Variants in MECOM observed in about 807,000 individuals in gnomAD.
MECOM encodes MDS1 and EVI1 complex locus.
A neutral mutation model predicts 116.3 loss-of-function variants in MECOM; 13 were observed. The observed-to-expected ratio is 0.11, with a 90% CI of 0.07 to 0.18. The LOEUF (loss-of-function observed/expected upper bound fraction) is 0.18. Ranked by LOEUF, MECOM falls within the 10% of genes least tolerant of loss-of-function variation. The pLI, the probability that MECOM is intolerant of heterozygous loss-of-function variation, is 1.00. For synonymous variants in MECOM, 528 were observed against 535.2 expected, an observed-to-expected ratio of 0.99 and a Z score of 0.19; for missense variants, 1,299 against 1,509.0, an observed-to-expected ratio of 0.86 and a Z score of 2.31.
At chr3:169,153,403 A>G (rs921996970) in intron 2 of MECOM, among the ~76,000 whole-genome samples, 2 of 152,186 alleles carry the variant, frequency 1.3e-5, no homozygotes, top group African/African-American at 4.8e-5. Context: ...TTATTTTATA[A>G]AAGATAACTT....
chr3:169,155,838 C>A (rs1021531581), intron 2 of MECOM, among the ~76,000 whole-genome samples: 2 of 152,140 alleles, frequency 1.3e-5, no homozygotes, highest in African/African-American at 4.8e-5. Flanking sequence ...TCTCTTACCT[C>A]TGACACTGAC....
Position 169,095,178 on chromosome 3 carries a change from T to C in MECOM, c.2917A>G (p.Asn973Asp), listed in dbSNP as rs200552630. The change falls in exon 13 of 17, where the codon AAT becomes GAT. Residue 973 changes from asparagine to aspartate, a missense_variant. By Grantham distance (23) the Asn-to-Asp change is conservative. This residue lies in a region of MECOM where 32 missense variants were observed against 96.7 expected (regional missense o/e 0.33). Transcript: ENST00000651503. Reference sequence around the variant, plus strand: ...TGACACTTAAATGGCTTCTCTTTATTGTGGATGTTGCGAACATGCCTTTGC... The same window carrying C: ...TGACACTTAAATGGCTTCTCTTTATCGTGGATGTTGCGAACATGCCTTTGC... ...NLQRHVRNIH[N>D]KEKPFKCHLC... 6.2e-6 allele frequency: 10 copies of C among 1,613,722 alleles called. No individual in the cohort carries two copies. In the East Asian group the frequency reaches 1.3e-4, roughly 22 times the overall value.
intron 1 of MECOM, among the ~76,000 whole-genome samples, chr3:169,407,268 A>C (rs1736856289): frequency 6.6e-6 from 1 of 152,222 alleles, no homozygotes. Flanking sequence ...TTTCCAAAAG[A>C]AGGCTACTCA....
At chr3:169,088,182 A>G (rs923619745) in intron 16 of MECOM, among the ~76,000 whole-genome samples, 1 of 152,216 alleles carries the variant, frequency 6.6e-6, no homozygotes, top group Non-Finnish European at 1.5e-5. Context: ...TCAGGCAATT[A>G]GACCACAGTG....
At chr3:169,189,786 C>T (rs769011201) in intron 2 of MECOM, among the ~76,000 whole-genome samples, 3 of 152,120 alleles carry the variant, frequency 2.0e-5, no homozygotes, top group Middle Eastern at 3.4e-3. Context: ...TCTTTCACTC[C>T]GACAGGAATC....
chr3:169,545,494 C>T (rs1377447885), intron 1 of MECOM, among the ~76,000 whole-genome samples: 1 of 152,174 alleles, frequency 6.6e-6, no homozygotes, highest in Admixed American at 6.5e-5. Context: ...AAAGACAGTA[C>T]ACAAAACCAA....
At chr3:169,308,712 T>C (rs1718167503) in intron 2 of MECOM, among the ~76,000 whole-genome samples, 1 of 152,176 alleles carries the variant, frequency 6.6e-6, no homozygotes, top group Admixed American at 6.5e-5. Context: ...AACAAAATTT[T>C]AGGAAAAAAA....
chr3:169,165,516 G>T (rs905769584), intron 2 of MECOM, among the ~76,000 whole-genome samples: 1 of 152,160 alleles, frequency 6.6e-6, no homozygotes, highest in Non-Finnish European at 1.5e-5. Context: ...GAGATCTAAA[G>T]ATCTGCTGTT....
At chr3:169,378,426 AAAGAAAGAAAGAAAGAAAGAAAGAAG>A (rs1731494712) in intron 2 of MECOM, among the ~76,000 whole-genome samples, 11 of 75,596 alleles carry the variant, frequency 1.5e-4, no homozygotes, top group African/African-American at 9.3e-4. Context: ...AGAAAGAAAG[AAAGAAAGAAAGAAAGAAAGAAAGAAG>A]GAAAGCAAGC....
At chr3:169,660,158 C>T (rs1020784669) in intron 1 of MECOM, among the ~76,000 whole-genome samples, 3 of 152,274 alleles carry the variant, frequency 2.0e-5, no homozygotes, top group South Asian at 2.1e-4. Flanking sequence ...ATTTCTGGCA[C>T]GGCCCAGGTG....
intron 2 of MECOM, among the ~76,000 whole-genome samples, chr3:169,213,231 C>T (rs1233922631): frequency 6.6e-6 from 1 of 151,864 alleles, no homozygotes; most frequent in Non-Finnish European, 1.5e-5. Context: ...GTTGTAAGTG[C>T]TTGAAAAATA....
intron 2 of MECOM, among the ~76,000 whole-genome samples, chr3:169,320,136 A>G (rs961955473): frequency 3.9e-5 from 6 of 152,208 alleles, no homozygotes; most frequent in African/African-American, 1.4e-4. Context: ...GGAGAGAAAA[A>G]TAAGGGATTG....
chr3:169,153,026 T>C (rs1343317971), intron 2 of MECOM, among the ~76,000 whole-genome samples: 1 of 152,224 alleles, frequency 6.6e-6, no homozygotes, highest in Non-Finnish European at 1.5e-5. Flanking sequence ...CAGTTAAGGT[T>C]GCCATATTTA....
chr3:169,302,160 T>A lies in MECOM; in HGVS notation c.375+79027A>T, dbSNP rs565352965. ...CCAGCAATAGCTGAACTTGAATATATACAATCTGTATCTGTGGCTTCAAGA... is the reference window on the plus strand; with the variant it reads ...CCAGCAATAGCTGAACTTGAATATAAACAATCTGTATCTGTGGCTTCAAGA... On this transcript the variant is annotated intron_variant, in intron 2 of 16. Transcript: ENST00000651503. Among the ~76,000 whole-genome samples the A allele has an allele frequency of 7.2e-5, 11 of 152,340 alleles. No individual in the cohort carries two copies. The South Asian group carries it at 2.3e-3, about 32-fold the overall frequency.
At chr3:169,143,658 T>A (rs1738818750) in intron 3 of MECOM, 40 bp downstream of exon 3, 1 of 1,518,914 alleles carries the variant, frequency 6.6e-7, no homozygotes, top group Admixed American at 2.0e-5. Flanking sequence ...GTGATACTTT[T>A]GTGCTCTCAA....
chr3:169,422,631 T>C (rs1739954133), intron 1 of MECOM, among the ~76,000 whole-genome samples: 1 of 152,092 alleles, frequency 6.6e-6, no homozygotes, highest in South Asian at 2.1e-4. Flanking sequence ...TATTCACATT[T>C]TAAAGATATA....
At chr3:169,251,667 T>C (rs1424877191) in intron 2 of MECOM, among the ~76,000 whole-genome samples, 4 of 152,154 alleles carry the variant, frequency 2.6e-5, no homozygotes, top group African/African-American at 9.7e-5. Context: ...AATTCAGTCT[T>C]GGCCAAGTGT....
intron 5 of MECOM, among the ~76,000 whole-genome samples, chr3:169,127,043 T>C (rs1733099879): frequency 6.6e-6 from 1 of 152,086 alleles, no homozygotes; most frequent in African/African-American, 2.4e-5. Flanking sequence ...TTAAAATTAT[T>C]TGTGGACCAA....
At chr3:169,423,140 A>T (rs1740046758) in intron 1 of MECOM, among the ~76,000 whole-genome samples, 1 of 151,998 alleles carries the variant, frequency 6.6e-6, no homozygotes, top group South Asian at 2.1e-4. Context: ...CTCCTAGGAG[A>T]TTCTAATGCT....
Sources: allele counts gnomAD v4.1 joint callset (sites outside exome capture counted in the v4.1 genomes callset), GRCh38; gene constraint gnomAD v4.1.1; regional missense constraint gnomAD v4.1.1; transcripts MANE v1.5; gene names NCBI Gene and HGNC (gene_info 2026-07-23, HGNC 2026-07-21).